The following GALNT13 variants were observed in gnomAD, a reference collection of about 807,000 sequenced individuals.
The protein encoded by GALNT13 is polypeptide N-acetylgalactosaminyltransferase 13.
A neutral mutation model predicts 64.2 loss-of-function variants in GALNT13; 28 were observed. The ratio of observed to expected loss-of-function variants is 0.44; its 90% CI spans 0.32 to 0.60. The LOEUF is 0.60. Ranked by LOEUF, GALNT13 falls within the 20% of genes least tolerant of loss-of-function variation. GALNT13 has a pLI of 0.05. For synonymous variants in GALNT13, 214 were observed against 224.6 expected, an observed-to-expected ratio of 0.95 and a Z score of 0.42; for missense variants, 577 against 669.8, an observed-to-expected ratio of 0.86 and a Z score of 1.53.
the GALNT13 span, among the ~76,000 whole-genome samples, chr2:153,517,880 T>C: frequency 1.3e-5 from 2 of 152,010 alleles, no homozygotes; most frequent in African/African-American, 2.4e-5. Context: ...AAATAGTAAA[T>C]TTGCAGTGGA....
intron 4 of GALNT13, among the ~76,000 whole-genome samples, chr2:154,174,013 A>G (rs1685510517): frequency 6.6e-6 from 1 of 152,146 alleles, no homozygotes; most frequent in Non-Finnish European, 1.5e-5. Context: ...GAAAACCAGC[A>G]TATGATCCAG....
intron 12 of GALNT13, chr2:154,446,643 A>G (rs1329726394): frequency 1.3e-6 from 2 of 1,548,806 alleles, no homozygotes; most frequent in South Asian, 1.2e-5. Flanking sequence ...CCAGCATCCT[A>G]CTGTGGAAAC....
At chr2:153,256,236 C>T in the GALNT13 span, among the ~76,000 whole-genome samples, 2 of 151,620 alleles carry the variant, frequency 1.3e-5, no homozygotes, top group African/African-American at 2.4e-5. Flanking sequence ...ATCGCTGATA[C>T]CCTTTCTTCC....
chr2:154,300,435 A>G (rs1204747101), intron 8 of GALNT13, among the ~76,000 whole-genome samples: 1 of 152,168 alleles, frequency 6.6e-6, no homozygotes. Flanking sequence ...TTCTTTCAAA[A>G]AAAGTAACTC....
intron 3 of GALNT13, among the ~76,000 whole-genome samples, chr2:153,970,774 C>T (rs766844772): frequency 1.3e-5 from 2 of 152,098 alleles, no homozygotes; most frequent in Non-Finnish European, 2.9e-5. Flanking sequence ...GCTGCTTAAA[C>T]CCCAAAATTT....
intron 4 of GALNT13, among the ~76,000 whole-genome samples, chr2:154,174,999 G>T (rs776562743): frequency 3.3e-5 from 5 of 152,096 alleles, no homozygotes; most frequent in Non-Finnish European, 5.9e-5. Flanking sequence ...AACTTGAGCT[G>T]ATATTTCATT....
chr2:154,067,723 G>A (rs972350475), intron 3 of GALNT13, among the ~76,000 whole-genome samples: 29 of 151,940 alleles, frequency 1.9e-4, no homozygotes, highest in African/African-American at 6.8e-4. Context: ...AACTCAAAGT[G>A]GATTAAATAC....
the GALNT13 span, among the ~76,000 whole-genome samples, chr2:153,320,922 T>G: frequency 6.6e-6 from 1 of 152,190 alleles, no homozygotes; most frequent in Non-Finnish European, 1.5e-5. Flanking sequence ...AAAACTTCTC[T>G]AACCTCCCAC....
chr2:153,142,432 T>A, the GALNT13 span, among the ~76,000 whole-genome samples: 1 of 152,026 alleles, frequency 6.6e-6, no homozygotes, highest in African/African-American at 2.4e-5. Flanking sequence ...GCAGAGAGCT[T>A]ACCTTGGAAT....
chr2:153,771,592 C>T, the GALNT13 span, among the ~76,000 whole-genome samples: 2 of 152,082 alleles, frequency 1.3e-5, no homozygotes, highest in South Asian at 4.1e-4. Context: ...CTTCGATTGC[C>T]TGGAAATGTG....
intron 4 of GALNT13, among the ~76,000 whole-genome samples, chr2:154,165,498 G>A (rs1684975767): frequency 6.6e-6 from 1 of 152,114 alleles, no homozygotes; most frequent in Non-Finnish European, 1.5e-5. Context: ...GTTTTAGAAA[G>A]GATGAACCAT....
At chr2:153,364,421 G>C in the GALNT13 span, among the ~76,000 whole-genome samples, 2 of 151,396 alleles carry the variant, frequency 1.3e-5, no homozygotes, top group South Asian at 4.2e-4. Context: ...AAAGAATTCA[G>C]ATAGAAAAAA....
chr2:154,056,336 T>C (rs1699892177), intron 3 of GALNT13, among the ~76,000 whole-genome samples: 1 of 152,174 alleles, frequency 6.6e-6, no homozygotes. Flanking sequence ...ACATCTAGAC[T>C]TATCATATTC....
chr2:153,222,022 C>G, the GALNT13 span, among the ~76,000 whole-genome samples: 3 of 152,034 alleles, frequency 2.0e-5, no homozygotes, highest in East Asian at 3.9e-4. Flanking sequence ...GATGGGGAGG[C>G]GTGTTTCAGC....
chr2:153,765,227 A>G, the GALNT13 span, among the ~76,000 whole-genome samples: 8 of 152,182 alleles, frequency 5.3e-5, no homozygotes, highest in African/African-American at 7.2e-5. Flanking sequence ...TGCACCTGGA[A>G]AAGCTGCAGA....
At chr2:153,813,090 C>A in the GALNT13 span, among the ~76,000 whole-genome samples, 27 of 152,058 alleles carry the variant, frequency 1.8e-4, no homozygotes, top group African/African-American at 6.3e-4. Flanking sequence ...TTGGGTTCAT[C>A]ATCTTATTGT....
the GALNT13 span, among the ~76,000 whole-genome samples, chr2:153,432,073 T>C: frequency 6.6e-6 from 1 of 152,142 alleles, no homozygotes; most frequent in African/African-American, 2.4e-5. Context: ...TTTAGTGTTC[T>C]GGTTTGGGAA....
At chr2:154,430,575 C>G (rs1359217059) in intron 11 of GALNT13, among the ~76,000 whole-genome samples, 1 of 152,102 alleles carries the variant, frequency 6.6e-6, no homozygotes, top group Non-Finnish European at 1.5e-5. Context: ...GTTGAAATGA[C>G]AACAAAGTAT....
the GALNT13 span, among the ~76,000 whole-genome samples, chr2:153,553,840 A>G: frequency 1.3e-5 from 2 of 152,062 alleles, no homozygotes; most frequent in Non-Finnish European, 2.9e-5. Flanking sequence ...AGCTGAAGGG[A>G]GTTTCCAAAG....
Sources: gnomAD v4.1 joint callset for allele counts (sites outside exome capture counted in the v4.1 genomes callset) on GRCh38, gnomAD v4.1.1 for gene constraint, MANE v1.5 for transcripts, NCBI Gene and HGNC (gene_info 2026-07-23, HGNC 2026-07-21) for gene names.